Variants in SLC17A7 observed in about 807,000 individuals in gnomAD.
SLC17A7 encodes solute carrier family 17 member 7, also known as vesicular glutamate transporter 1.
In SLC17A7, 15 loss-of-function variants were observed where a neutral mutation model predicts 59.1. The ratio of observed to expected loss-of-function variants is 0.25; its 90% confidence interval spans 0.17 to 0.39. The LOEUF (loss-of-function observed/expected upper bound fraction) is 0.39. SLC17A7 is among the 10% of genes least tolerant of loss of function. SLC17A7 has a pLI of 1.00. For missense variants in SLC17A7, 499 were observed against 765.1 expected, an observed-to-expected ratio of 0.65 and a Z score of 4.10; for synonymous variants, 353 against 308.9, an observed-to-expected ratio of 1.14 and a Z score of -1.50.
chr19:49,434,408 C>G (rs948936043), intron 5 of SLC17A7, among the ~76,000 whole-genome samples, 194 bp downstream of exon 5: 13 of 151,798 alleles, frequency 8.6e-5, no homozygotes, highest in African/African-American at 3.1e-4. Flanking sequence ...GCCCCCAGCC[C>G]CTCCTCTCTC....
chr19:49,434,812 A>G lies in SLC17A7; in HGVS notation c.505T>C (p.Tyr169His). 6.2e-7 allele frequency: 1 copy of G among 1,614,220 alleles called. No homozygotes were observed. The highest frequency in any genetic ancestry group is 8.5e-7 in the Non-Finnish European group (1 of 1,180,038). Reference sequence around the variant, plus strand: ...ATCCTCACGAAGATGACACAGCCATAGTGGACGCGGGCAGCTGAGGGGATC... The same window carrying G: ...ATCCTCACGAAGATGACACAGCCATGGTGGACGCGGGCAGCTGAGGGGATC... ...MLIPSAARVHYGCVIFVRILQ... is the reference protein window; with the variant it reads ...MLIPSAARVHHGCVIFVRILQ... Residue 169 changes from tyrosine to histidine, a missense_variant, in exon 4 of 12, where the codon TAT becomes CAT. Around this residue, in one of 3 missense-constraint regions of SLC17A7, gnomAD observed 323 missense variants for 607.2 expected, o/e 0.53. Coordinates refer to ENST00000221485, the MANE Select transcript of SLC17A7 (RefSeq NM_020309.4).
At position 49,432,670 on chromosome 19, in the gene SLC17A7, A is replaced by G. The variant is rs1600984309; in HGVS notation, c.1018-19T>C. ...GGCCTACCTGCGGGAACAGGTGTAC[A>G]GGGACACTAGGGTTCGGGGCCGCCG... On this transcript the variant is annotated intron_variant, in intron 8 of 11. Coordinates refer to ENST00000221485, the MANE Select transcript of SLC17A7 (RefSeq NM_020309.4). The G allele has an allele frequency of 6.2e-7, 1 of 1,611,358 alleles. No homozygotes were observed. The highest frequency in any genetic ancestry group is 8.5e-7 in the Non-Finnish European group (1 of 1,178,676).
rs759741490 is a variant in SLC17A7, at chr19:49,436,715, G to C, written c.149C>G (p.Pro50Arg). The change falls in exon 2 of 12, where the codon CCG becomes CGG. Residue 50 changes from proline (P) to arginine (R), a missense_variant. This residue lies in a region of SLC17A7 where 78 missense variants were observed against 80.4 expected (regional missense o/e 0.97). Transcript: ENST00000221485. This position sits in a 1 kb window ranked among gnomAD's most constrained non-coding sequence, Gnocchi z 4.1. ...GCCGAAGCAGGTGCAGTCCACCACC[G>C]GCGGGTCCCGGGTCTGCGTGGTCAC... ...RPVTTQTRDPPVVDCTCFGLP... is the reference protein window; with the variant it reads ...RPVTTQTRDPRVVDCTCFGLP... The C allele has an allele frequency of 7.4e-6, 12 of 1,612,674 alleles. No individual in the cohort carries two copies. Among genetic ancestry groups the C allele is most frequent in the Non-Finnish European group, 1.0e-5 (12 of 1,179,950 alleles).
chr19:49,436,498 G>A lies in SLC17A7; in HGVS notation c.315+51C>T, dbSNP rs753075484. On this transcript the variant is annotated intron_variant, in intron 2 of 11. Coordinates refer to ENST00000221485, the MANE Select transcript of SLC17A7 (RefSeq NM_020309.4). This position sits in a 1 kb window ranked among gnomAD's most constrained non-coding sequence, Gnocchi z 4.1. ...AGTGTGACGTCATGGGGGCGTAGGC[G>A]GAGCTCGGTGAGCGGGGCGGGGCTC... is the stretch of plus-strand genomic sequence containing the variant. 4 of 1,589,634 alleles carry A rather than the reference G, an allele frequency of 2.5e-6. No homozygotes were observed. In the African/African-American group the frequency reaches 4.0e-5, roughly 16 times the overall value.
In SLC17A7 at chr19:49,435,203, T is replaced by C. The variant is rs78557409; in HGVS notation, c.399A>G (p.Pro133=). 657 of 1,614,088 alleles carry C rather than the reference T, an allele frequency of 4.1e-4. 6 individuals are homozygous for C. The East Asian group carries it at 0.014, about 35-fold the overall frequency. Residue 133 remains proline (P), a synonymous_variant, in exon 3 of 12, where the codon CCA becomes CCG. Transcript: ENST00000221485. Reference sequence around the variant, plus strand: ...CAAATTTTTGACAGATAAATCCTCCTGGAATCTGAGTGACAATGTAGCCCC... The same window carrying C: ...CAAATTTTTGACAGATAAATCCTCCCGGAATCTGAGTGACAATGTAGCCCC... ...FFWGYIVTQI[P]GGFICQKFAA... is the part of the protein sequence containing the mutation.
chr19:49,432,061 G>A (rs943998980), intron 9 of SLC17A7, among the ~76,000 whole-genome samples: 4 of 152,134 alleles, frequency 2.6e-5, no homozygotes, highest in Admixed American at 6.5e-5. Context: ...GGGCTCCAGC[G>A]ATCCTCCCTT....
Position 49,436,828 on chromosome 19 carries a change from C to CG in SLC17A7, c.63-28dup. ...TGCGGGACAGCAAGAGCCAGAGACT[C>CG]GGAAGTCCAGGCCCCCAGCCCCCTC... On this transcript the variant is annotated intron_variant, in intron 1 of 11. Coordinates refer to ENST00000221485, the MANE Select transcript of SLC17A7 (RefSeq NM_020309.4). The surrounding 1 kb of genome is among the most constrained non-coding windows in gnomAD (Gnocchi z 4.1). 1 of 1,594,290 alleles carries CG rather than the reference C, an allele frequency of 6.3e-7. No individual in the cohort carries two copies. Among genetic ancestry groups the CG allele is most frequent in the Non-Finnish European group, 8.5e-7 (1 of 1,176,238 alleles).
At chr19:49,435,651 G>A (rs541066413) in intron 2 of SLC17A7, 70 of 176,242 alleles carry the variant, frequency 4.0e-4, no homozygotes, top group Non-Finnish European at 7.6e-4. Flanking sequence ...GCGGGGACAC[G>A]AAGCAGCCAA....
intron 11 of SLC17A7, 95 bp from the exon 12 acceptor site, chr19:49,430,907 G>A (rs2078956833): frequency 1.7e-5 from 26 of 1,553,366 alleles, no homozygotes; most frequent in Non-Finnish European, 2.3e-5. Context: ...AGAGACCCAG[G>A]GAGGCTGAAA....
In SLC17A7 at chr19:49,441,419, C is replaced by T. The variant is rs773595714; in HGVS notation, c.-40G>A. The stretch of plus-strand genomic sequence containing the variant: ...CCGCCGGTCACCCCGCGGGTCCCCC[C>T]CGCCGATCCCCCCGCCCGCGGGCCC... On this transcript the variant is annotated 5_prime_UTR_variant, in exon 1 of 12. Coordinates refer to ENST00000221485, the MANE Select transcript of SLC17A7 (RefSeq NM_020309.4). 282 of 1,433,658 alleles carry T rather than the reference C, an allele frequency of 2.0e-4. No homozygotes were observed. Among genetic ancestry groups the T allele is most frequent in the Non-Finnish European group, 2.5e-4 (274 of 1,092,178 alleles). The allele number at this position is 1,433,658 out of a possible 1,614,324, so 88.8% of individuals were successfully genotyped here.
At chr19:49,432,386 G>T in intron 9 of SLC17A7, 133 bp downstream of exon 9, 1 of 1,255,410 alleles carries the variant, frequency 8.0e-7, no homozygotes. Flanking sequence ...TGTTGGCCAC[G>T]GCCCTTTGCA....
chr19:49,434,945 C>G, intron 3 of SLC17A7, 63 bp from the exon 4 acceptor site: 1 of 1,518,768 alleles, frequency 6.6e-7, no homozygotes, highest in Non-Finnish European at 9.1e-7. Flanking sequence ...TTCTGCCTTT[C>G]CCGCCCACAG....
rs1303232881 is a variant in SLC17A7 at position 49,429,681 on chromosome 19, A to G, written c.*838T>C. On this transcript the variant is annotated 3_prime_UTR_variant, in exon 12 of 12. Transcript: ENST00000221485. ...GGGTAGTTCGAAACCACCCAGGAGAATAAAGTGCGAGGAATTGGGGAGGGG... is the reference window on the plus strand; with the variant it reads ...GGGTAGTTCGAAACCACCCAGGAGAGTAAAGTGCGAGGAATTGGGGAGGGG... 1.0e-5 allele frequency: 4 copies of G among 397,382 alleles called. No individual in the cohort carries two copies. Among genetic ancestry groups the G allele is most frequent in the Non-Finnish European group, 1.8e-5 (4 of 225,468 alleles). 24.6% of individuals were successfully genotyped at this position (397,382 alleles called of 1,614,324 possible).
chr19:49,433,865 C>T lies in SLC17A7; in HGVS notation c.728G>A (p.Ser243Asn), dbSNP rs751087475. The T allele has an allele frequency of 9.1e-5, 146 of 1,610,720 alleles. No individual in the cohort carries two copies. The highest frequency in any genetic ancestry group is 1.2e-4 in the Non-Finnish European group (141 of 1,177,688). The change falls in exon 7 of 12, where the codon AGC becomes AAC. Residue 243 changes from serine (S) to asparagine (N), a missense_variant. Physicochemically the swap from Ser to Asn is conservative, Grantham distance 46. Coordinates refer to ENST00000221485, the MANE Select transcript of SLC17A7 (RefSeq NM_020309.4). The surrounding 1 kb of genome is among the most constrained non-coding windows in gnomAD (Gnocchi z 5.7). Reference sequence around the variant, plus strand: ...GAACAGGTACCAGAAGATCCCGAAGCTGCCTGGGGGGGTCAGGAGGGGGAT... The same window carrying T: ...GAACAGGTACCAGAAGATCCCGAAGTTGCCTGGGGGGGTCAGGAGGGGGAT... The part of the protein sequence containing the change: ...GWSSVFYVYG[S>N]FGIFWYLFWL...
At position 49,434,052 on chromosome 19, in the gene SLC17A7, G is replaced by T. The variant is rs759194899; in HGVS notation, c.638-6C>A. 4 of 1,603,916 alleles carry T rather than the reference G, an allele frequency of 2.5e-6. No individual in the cohort carries two copies. Among genetic ancestry groups the T allele is most frequent in the South Asian group, 2.2e-5 (2 of 90,932 alleles). The stretch of plus-strand genomic sequence containing the variant: ...CACCGCCCCAGCATAGGAACCTAAG[G>T]GGGAGGATGCGGGGGAGAGAACAGG... On this transcript the variant is annotated splice_polypyrimidine_tract_variant and splice_region_variant and intron_variant, in intron 5 of 11. Transcript: ENST00000221485.
chr19:49,431,024 A>T lies in SLC17A7; in HGVS notation c.1380T>A (p.Thr460=). ...MVCPIIVGAM[T]KHKTREEWQY... is the part of the protein sequence containing the mutation. ...GGACTGCGGCACCCACCTTGTGCTT[A>T]GTCATGGCCCCCACGATGATGGGGC... The change falls in exon 11 of 12, where the codon ACT becomes ACA. Residue 460 remains threonine, a synonymous_variant. Transcript: ENST00000221485. The surrounding 1 kb of genome is among the most constrained non-coding windows in gnomAD (Gnocchi z 4.6). 1 of 1,609,622 alleles carries T rather than the reference A, an allele frequency of 6.2e-7. No homozygotes were observed. The highest frequency in any genetic ancestry group is 8.5e-7 in the Non-Finnish European group (1 of 1,177,604).
At chr19:49,434,147 C>T in intron 5 of SLC17A7, 101 bp from the exon 6 acceptor site, 3 of 784,450 alleles carry the variant, frequency 3.8e-6, no homozygotes, top group Non-Finnish European at 6.5e-6. Context: ...GAATTACAGG[C>T]CACAGCCCCT....
chr19:49,430,641 C>G lies in SLC17A7; in HGVS notation c.1561G>C (p.Asp521His), dbSNP rs202176181. ...VGHDQLAGSD[D>H]SEMEDEAEPP... is the part of the protein sequence containing the mutation. ...TCAGCCTCATCCTCCATTTCGCTGTCGTCACTGCCAGCCAGCTGGTCATGG... is the reference window on the plus strand; with the variant it reads ...TCAGCCTCATCCTCCATTTCGCTGTGGTCACTGCCAGCCAGCTGGTCATGG... The change falls in exon 12 of 12, where the codon GAC (aspartate) becomes CAC (histidine). Residue 521 changes from aspartate (D) to histidine (H), a missense_variant. Transcript: ENST00000221485. 1.2e-6 allele frequency: 2 copies of G among 1,614,096 alleles called. No homozygotes were observed. The highest frequency in any genetic ancestry group is 2.2e-5 in the South Asian group (2 of 91,090).
In SLC17A7 at chr19:49,430,284, G is replaced by C; in HGVS notation, c.*235C>G. ...TTGAAACCACTGAGGCAGAACGGGTGGAGAGGGAACCTTTAGGGGAATTTG... is the reference window on the plus strand; with the variant it reads ...TTGAAACCACTGAGGCAGAACGGGTCGAGAGGGAACCTTTAGGGGAATTTG... On this transcript the variant is annotated 3_prime_UTR_variant, in exon 12 of 12. Coordinates refer to ENST00000221485, the MANE Select transcript of SLC17A7 (RefSeq NM_020309.4). 2.3e-6 allele frequency: 1 copy of C among 442,020 alleles called. No individual in the cohort carries two copies. The highest frequency in any genetic ancestry group is 4.0e-6 in the Non-Finnish European group (1 of 250,178). 27.4% of individuals were successfully genotyped at this position (442,020 alleles called of 1,614,324 possible). A position where few individuals can be genotyped will look rare whatever the true frequency, so the allele number is the denominator to read the frequency against.
Sources: gnomAD v4.1 joint callset for allele counts (sites outside exome capture counted in the v4.1 genomes callset) on GRCh38, gnomAD v4.1.1 for gene constraint, gnomAD v4.1.1 regional missense constraint, Gnocchi (gnomAD v3.1) non-coding constraint, MANE v1.5 for transcripts, NCBI Gene and HGNC (gene_info 2026-07-23, HGNC 2026-07-21) for gene names.